The following MITD1 variants were observed in gnomAD, a reference collection of about 807,000 sequenced individuals.
MITD1 encodes microtubule interacting and trafficking domain containing 1, also known as MIT domain-containing protein 1.
Under a neutral mutation model 34.9 loss-of-function variants are expected in MITD1, and 24 were observed. That is an observed-to-expected ratio of 0.69 (90% CI 0.50 to 0.97). The LOEUF (loss-of-function observed/expected upper bound fraction) is 0.97, where lower values mean the gene tolerates loss of function less well. Ranked by LOEUF, MITD1 falls within the 50% of genes least tolerant of loss-of-function variation. The pLI is 0.00. For missense variants in MITD1, 266 were observed against 294.6 expected (o/e 0.90, Z 0.71); for synonymous variants, 102 against 101.4 (o/e 1.01, Z -0.04).
downstream of MITD1, among the ~76,000 whole-genome samples, chr2:99,166,737 A>AT (rs1182189674): frequency 1.3e-5 from 2 of 150,970 alleles, no homozygotes; most frequent in Non-Finnish European, 3.0e-5. Flanking sequence ...TTGATCTCTC[A>AT]TTTTTTTAAC....
At chr2:99,163,718 G>T (rs192311915) in intron 7 of MITD1, among the ~76,000 whole-genome samples, 167 of 152,134 alleles carry the variant, frequency 1.1e-3, no homozygotes, top group African/African-American at 3.8e-3. Context: ...TGGACACTCT[G>T]ACCTCAGACT....
At chr2:99,162,844 TTAAAG>T (rs775102586) in intron 7 of MITD1, 5 of 1,613,618 alleles carry the variant, frequency 3.1e-6, no homozygotes, top group East Asian at 2.2e-5. Context: ...CACTTGGAAA[TTAAAG>T]TATTCATAGA....
Position 99,174,576 on chromosome 2 carries a change from C to T in MITD1, c.152-560G>A, listed in dbSNP as rs572631850. The stretch of plus-strand genomic sequence containing the variant: ...TCCTTTCAACATCGCTTATATTTTC[C>T]ATAAATAATCTCATTTTTTGTTTGT... On this transcript the variant is annotated intron_variant, in intron 1 of 6. Transcript: ENST00000289359. Among the ~76,000 whole-genome samples the T allele has an allele frequency of 2.4e-4, 37 of 152,066 alleles. No individual in the cohort carries two copies. The South Asian group carries it at 7.3e-3, about 30-fold the overall frequency.
intron 5 of MITD1, 68 bp downstream of exon 5, chr2:99,170,469 T>G (rs1039856982): frequency 2.1e-6 from 1 of 472,190 alleles, no homozygotes; most frequent in South Asian, 4.6e-5. Context: ...GGCAATTATA[T>G]AAAACATTTA....
chr2:99,173,189 T>A (rs1304604548), intron 2 of MITD1: 1 of 196,854 alleles, frequency 5.1e-6, no homozygotes, highest in African/African-American at 2.3e-5. Context: ...GTCCCCAGGG[T>A]ATGTACTGAT....
chr2:99,163,285 G>A (rs531814934), intron 7 of MITD1: 1 of 354,328 alleles, frequency 2.8e-6, no homozygotes, highest in African/African-American at 2.1e-5. Flanking sequence ...TGACCTCTAG[G>A]ATCCTCTTTC....
exon 8 of MITD1, chr2:99,162,073 A>G (rs770338655): frequency 1.2e-6 from 2 of 1,614,166 alleles, no homozygotes; most frequent in South Asian, 1.1e-5. Context: ...TCAATTTCCA[A>G]TGATGTCTAT....
intron 7 of MITD1, chr2:99,162,573 G>T: frequency 6.2e-7 from 1 of 1,614,124 alleles, no homozygotes; most frequent in Non-Finnish European, 8.5e-7. Flanking sequence ...CAATGCCACT[G>T]CTAGCATACC....
chr2:99,173,743 A>G, intron 2 of MITD1, 172 bp downstream of exon 2: 1 of 636,062 alleles, frequency 1.6e-6, no homozygotes, highest in Non-Finnish European at 2.8e-6. Context: ...CAAACAAACA[A>G]AAAATTAAGA....
rs557985025 is a variant in MITD1 at position 99,179,302 on chromosome 2, G to A, written c.151+1529C>T. 4.0e-3 allele frequency among the ~76,000 whole-genome samples: 603 copies of A among 152,290 alleles called. 5 individuals are homozygous for A. Among genetic ancestry groups the A allele is most frequent in the African/African-American group, 0.014 (575 of 41,566 alleles). On this transcript the variant is annotated intron_variant, in intron 1 of 6. Transcript: ENST00000289359. ...TTTTGGGATTCAGTATACCAGAGTC[G>A]TTGGGGCCTTGGGCTCCGACTGTGA...
At chr2:99,163,845 C>T (rs2093814316) in intron 7 of MITD1, among the ~76,000 whole-genome samples, 1 of 152,096 alleles carries the variant, frequency 6.6e-6, no homozygotes, top group South Asian at 2.1e-4. Context: ...TTTCTACTCT[C>T]CCACTAAAAA....
chr2:99,175,440 C>T (rs1415579073), intron 1 of MITD1, among the ~76,000 whole-genome samples: 4 of 152,178 alleles, frequency 2.6e-5, no homozygotes. Flanking sequence ...CATCATTAGA[C>T]TTGGTTTATG....
At chr2:99,161,761 G>T, downstream of MITD1, 1 of 472,772 alleles carries the variant, frequency 2.1e-6, no homozygotes, top group East Asian at 3.2e-5. Flanking sequence ...GAAATTATTT[G>T]AAATTTGTCT....
At chr2:99,179,448 T>C (rs1010630437) in intron 1 of MITD1, among the ~76,000 whole-genome samples, 2 of 152,204 alleles carry the variant, frequency 1.3e-5, no homozygotes, top group African/African-American at 4.8e-5. Flanking sequence ...GATCATGCTT[T>C]TAATGTTTTC....
chr2:99,170,837 T>G, intron 4 of MITD1, 185 bp from the exon 5 acceptor site: 2 of 384,184 alleles, frequency 5.2e-6, no homozygotes, highest in Non-Finnish European at 9.4e-6. Context: ...TTTATCAAAA[T>G]CATCTTTTTT....
chr2:99,171,679 T>G (rs1401905650), intron 2 of MITD1, 33 bp from the exon 3 acceptor site: 1 of 1,582,840 alleles, frequency 6.3e-7, no homozygotes, highest in South Asian at 1.2e-5. Flanking sequence ...GTAAAACCAG[T>G]GACCATTTTT....
intron 1 of MITD1, among the ~76,000 whole-genome samples, chr2:99,179,560 A>G (rs1172389593): frequency 6.6e-6 from 1 of 152,062 alleles, no homozygotes; most frequent in Non-Finnish European, 1.5e-5. Context: ...GGTAGAGTTT[A>G]CAGTTATTTT....
Position 99,173,908 on chromosome 2 carries a change from T to G in MITD1, c.253+7A>C, listed in dbSNP as rs754150619. On this transcript the variant is annotated splice_region_variant and intron_variant, in intron 2 of 6. Transcript: ENST00000289359. ...TATGGATGCATTTTCTAAAACAACC[T>G]CTTTACCTTCTTTTTCTTGGTCCAA... 2 of 1,570,606 alleles carry G rather than the reference T, an allele frequency of 1.3e-6. No homozygotes were observed. Among genetic ancestry groups the G allele is most frequent in the Non-Finnish European group, 1.8e-6 (2 of 1,141,460 alleles).
chr2:99,165,797 G>A (rs1487068030), downstream of MITD1, among the ~76,000 whole-genome samples: 3 of 152,138 alleles, frequency 2.0e-5, no homozygotes, highest in African/African-American at 7.2e-5. Context: ...CCAATCAGAT[G>A]CAACTGCTCC....
Sources: gnomAD v4.1 joint callset for allele counts (sites outside exome capture counted in the v4.1 genomes callset) on GRCh38, gnomAD v4.1.1 for gene constraint, MANE v1.5 for transcripts, NCBI Gene and HGNC (gene_info 2026-07-23, HGNC 2026-07-21) for gene names.